The following CDK1 variants were observed in gnomAD, a reference collection of about 807,000 sequenced individuals.
CDK1 encodes the protein cyclin-dependent kinase 1.
CDK1 carries 5 observed loss-of-function variants against 34.6 expected under a neutral mutation model. That is an observed-to-expected ratio of 0.14 (90% CI 0.08 to 0.30). CDK1 has a LOEUF of 0.30. CDK1 is among the 10% of genes least tolerant of loss of function. CDK1 has a pLI of 1.00. For synonymous variants in CDK1, 108 were observed against 114.7 expected, an observed-to-expected ratio of 0.94 and a Z score of 0.37; for missense variants, 157 against 345.7, an observed-to-expected ratio of 0.45 and a Z score of 4.33.
At chr10:60,783,861 A>G (rs1207360812) in intron 2 of CDK1, among the ~76,000 whole-genome samples, 1 of 149,930 alleles carries the variant, frequency 6.7e-6, no homozygotes, top group Non-Finnish European at 1.5e-5. Context: ...TGTAGTACAT[A>G]CAATGTGCTT....
chr10:60,787,937 A>G (rs945157450), intron 4 of CDK1, 123 bp from the exon 5 acceptor site: 19 of 511,316 alleles, frequency 3.7e-5, no homozygotes, highest in African/African-American at 3.7e-4. Flanking sequence ...ATTAGCCTAA[A>G]ATGGCCTGAA....
At chr10:60,781,059 T>TATA (rs200474878) in intron 2 of CDK1, among the ~76,000 whole-genome samples, 1 of 14,076 alleles carries the variant, frequency 7.1e-5, no homozygotes, top group African/African-American at 1.3e-4. Context: ...TATATATATA[T>TATA]TTTTTTTTTA....
At chr10:60,788,335 C>A in intron 5 of CDK1, 105 bp downstream of exon 5, 2 of 805,146 alleles carry the variant, frequency 2.5e-6, no homozygotes, top group Non-Finnish European at 3.7e-6. Context: ...GATATCTACT[C>A]TGTGGCAGTA....
chr10:60,783,741 C>T (rs1220328345), intron 2 of CDK1: 1 of 152,174 alleles, frequency 6.6e-6, no homozygotes, highest in African/African-American at 2.4e-5. Context: ...TATCCACCTC[C>T]TCCCTCCCTG....
Position 60,784,626 on chromosome 10 carries a change from C to T in CDK1, c.38-79C>T. ...ACCTGGACAAGAAAACAAGACCCTGCCATAAGGAAAAAAAAAAAGAAAAAA... is the reference window on the plus strand; with the variant it reads ...ACCTGGACAAGAAAACAAGACCCTGTCATAAGGAAAAAAAAAAAGAAAAAA... On this transcript the variant is annotated intron_variant, in intron 2 of 7. Coordinates refer to ENST00000395284, the MANE Select transcript of CDK1 (RefSeq NM_001786.5). 4.1e-6 allele frequency: 5 copies of T among 1,230,092 alleles called. No individual in the cohort carries two copies. The South Asian group carries it at 5.8e-5, about 14-fold the overall frequency. 76.2% of individuals were successfully genotyped at this position (1,230,092 alleles called of 1,614,324 possible).
chr10:60,784,181 T>TG (rs1351081082), intron 2 of CDK1, among the ~76,000 whole-genome samples: 6 of 152,232 alleles, frequency 3.9e-5, no homozygotes, highest in African/African-American at 1.4e-4. Context: ...ATAGAAAACT[T>TG]GTGATGACTA....
rs945097133 is a variant in CDK1, at chr10:60,794,846, CAAAT to C, written c.*874_*877del. ...TAGCTTTGGGAATTAAACTGTTTAA[CAAAT>C]AATGCTGCTCATTGTGATTCTTACC... On this transcript the variant is annotated 3_prime_UTR_variant, in exon 8 of 8. Coordinates refer to ENST00000395284, the MANE Select transcript of CDK1 (RefSeq NM_001786.5). 22 of 152,146 alleles carry C rather than the reference CAAAT, an allele frequency of 1.4e-4. No homozygotes were observed. The highest frequency in any genetic ancestry group is 5.3e-4 in the African/African-American group (22 of 41,448). The allele number at this position is 152,146 out of a possible 1,614,324, so 9.4% of individuals were successfully genotyped here.
At chr10:60,790,303 G>T (rs1055427495) in intron 5 of CDK1, among the ~76,000 whole-genome samples, 1 of 152,108 alleles carries the variant, frequency 6.6e-6, no homozygotes, top group Non-Finnish European at 1.5e-5. Flanking sequence ...GAATGCAGTG[G>T]CGTGAACAGG....
intron 5 of CDK1, among the ~76,000 whole-genome samples, chr10:60,789,620 ATGTG>A (rs933436767): frequency 6.6e-6 from 1 of 152,128 alleles, no homozygotes; most frequent in Non-Finnish European, 1.5e-5. Flanking sequence ...CATTTTCTGT[ATGTG>A]TGTATGTATA....
intron 5 of CDK1, among the ~76,000 whole-genome samples, chr10:60,791,153 C>G (rs1416602808): frequency 6.6e-6 from 1 of 151,944 alleles, no homozygotes; most frequent in African/African-American, 2.4e-5. Flanking sequence ...TCTTCCAGTT[C>G]ATGAACATGG....
chr10:60,790,484 C>G lies in CDK1; in HGVS notation c.490-1406C>G, dbSNP rs377173748. On this transcript the variant is annotated intron_variant, in intron 5 of 7. Transcript: ENST00000395284. ...CTGTTCTCGAACTCCTGGGCTCATG[C>G]AATCCTCCCGCTTTGGCCTCCCAAA... is the stretch of plus-strand genomic sequence containing the variant. 3.5e-4 allele frequency among the ~76,000 whole-genome samples: 54 copies of G among 152,300 alleles called. 1 individual carries two copies. In the South Asian group the frequency reaches 0.011, roughly 31 times the overall value.
At chr10:60,782,875 A>T (rs2080284433) in intron 2 of CDK1, among the ~76,000 whole-genome samples, 1 of 152,202 alleles carries the variant, frequency 6.6e-6, no homozygotes, top group African/African-American at 2.4e-5. Flanking sequence ...CCAGTAGTTC[A>T]GTGAGAAGTG....
At position 60,784,749 on chromosome 10, in the gene CDK1, C is replaced by G; in HGVS notation, c.82C>G (p.Gln28Glu). 6.2e-7 allele frequency: 1 copy of G among 1,612,460 alleles called. No individual in the cohort carries two copies. The highest frequency in any genetic ancestry group is 8.5e-7 in the Non-Finnish European group (1 of 1,178,828). ...VYKGRHKTTG[Q>E]VVAMKKIRLE... Reference sequence around the variant, plus strand: ...TAAGGGTAGACACAAAACTACAGGTCAAGTGGTAGCCATGAAAAAAATCAG... The same window carrying G: ...TAAGGGTAGACACAAAACTACAGGTGAAGTGGTAGCCATGAAAAAAATCAG... The change falls in exon 3 of 8, where the codon CAA (glutamine) becomes GAA (glutamate). Residue 28 changes from glutamine (Q) to glutamate (E), a missense_variant. Gln to Glu is a conservative substitution (Grantham distance 29, BLOSUM62 2). Around this residue, in one of 3 missense-constraint regions of CDK1, gnomAD observed 53 missense variants for 89.2 expected, o/e 0.59. Transcript: ENST00000395284.
intron 2 of CDK1, among the ~76,000 whole-genome samples, chr10:60,780,865 C>T (rs901025775): frequency 6.6e-6 from 1 of 152,078 alleles, no homozygotes; most frequent in African/African-American, 2.4e-5. Context: ...AAATAATTTG[C>T]TAATAGAATC....
intron 4 of CDK1, chr10:60,786,040 AGTCTGGT>A: frequency 1.8e-6 from 2 of 1,090,080 alleles, no homozygotes; most frequent in Middle Eastern, 4.0e-4. Context: ...AAGCTAGGGT[AGTCTGGT>A]CTTTCTTTGG....
intron 2 of CDK1, among the ~76,000 whole-genome samples, chr10:60,784,258 G>A (rs189330894): frequency 6.6e-6 from 1 of 152,258 alleles, no homozygotes; most frequent in African/African-American, 2.4e-5. Flanking sequence ...AGCAATGAGG[G>A]TATGAGTAAG....
chr10:60,786,160 A>G, intron 4 of CDK1: 1 of 905,076 alleles, frequency 1.1e-6, no homozygotes, highest in Non-Finnish European at 1.3e-6. Flanking sequence ...TTTATTGTAG[A>G]CATTTATTAT....
Position 60,784,923 on chromosome 10 carries a change from C to T in CDK1, c.194+62C>T. ...ATGCTATTTCAAATATAAATTTCAA[C>T]TTGGAAATCTTTACATTTGCTCAAT... is the stretch of plus-strand genomic sequence containing the variant. On this transcript the variant is annotated intron_variant, in intron 3 of 7. Coordinates refer to ENST00000395284, the MANE Select transcript of CDK1 (RefSeq NM_001786.5). 2.1e-6 allele frequency: 3 copies of T among 1,455,666 alleles called. No homozygotes were observed. In the South Asian group the frequency reaches 3.5e-5, roughly 17 times the overall value. The allele number at this position is 1,455,666 out of a possible 1,614,324, so 90.2% of individuals were successfully genotyped here.
Position 60,779,232 on chromosome 10 carries a change from A to G in CDK1, c.-26+662A>G, listed in dbSNP as rs559021463. 9.2e-5 allele frequency among the ~76,000 whole-genome samples: 14 copies of G among 152,358 alleles called. No individual in the cohort carries two copies. The East Asian group carries it at 2.5e-3, about 27-fold the overall frequency. ...TGGATTGATTTTTCTTTGAAGATGA[A>G]TGTGAGAAATAGAACTTAAAGGTCT... On this transcript the variant is annotated intron_variant, in intron 1 of 7. Transcript: ENST00000395284.
Sources: allele counts gnomAD v4.1 joint callset (sites outside exome capture counted in the v4.1 genomes callset), GRCh38; gene constraint gnomAD v4.1.1; regional missense constraint gnomAD v4.1.1; transcripts MANE v1.5; gene names NCBI Gene and HGNC (gene_info 2026-07-23, HGNC 2026-07-21).